Variants in NUDT10 observed in about 807,000 individuals in gnomAD.
NUDT10 encodes the protein diphosphoinositol polyphosphate phosphohydrolase 3-alpha.
A neutral mutation model predicts 10.5 loss-of-function variants in NUDT10; 2 were observed. The ratio of observed to expected loss-of-function variants is 0.19; its 90% CI spans 0.08 to 0.60. The LOEUF is 0.60. Ranked by LOEUF, NUDT10 falls within the 20% of genes least tolerant of loss-of-function variation. The pLI, the probability that NUDT10 is intolerant of heterozygous loss-of-function variation, is 0.89. For synonymous variants in NUDT10, 53 were observed against 71.8 expected (o/e 0.74, Z 1.32); for missense variants, 75 against 149.5 (o/e 0.50, Z 2.60).
In NUDT10 at chrX:51,332,839, GCCTCTCTCTCCCCGCC is replaced by G. The variant is rs1289317627; in HGVS notation, c.-120_-105del. ...TCGGGGGCAGACGGCAGACGGAGGCGCCTCTCTCTCCCCGCCCCTCTCCTCGGCCCTTTCTCTTCCC... is the reference window on the plus strand; with the variant it reads ...TCGGGGGCAGACGGCAGACGGAGGCGCCTCTCCTCGGCCCTTTCTCTTCCC... On this transcript the variant is annotated 5_prime_UTR_variant, in exon 1 of 2. Transcript: ENST00000356450. 6.9e-4 allele frequency: 691 copies of G among 999,958 alleles called. No homozygotes were observed. Among genetic ancestry groups the G allele is most frequent in the Admixed American group, 1.4e-3 (37 of 25,624 alleles). The allele number at this position is 999,958 out of a possible 1,213,427, so 82.4% of individuals were successfully genotyped here. A position where few individuals can be genotyped will look rare whatever the true frequency, so the allele number is the denominator to read the frequency against.
At chrX:51,336,068 A>G (rs1922830283) in intron 1 of NUDT10, among the ~76,000 whole-genome samples, 171 bp from the exon 2 acceptor site, 1 of 112,002 alleles carries the variant, frequency 8.9e-6, no homozygotes, top group African/African-American at 3.3e-5. Flanking sequence ...ACAATCTGTT[A>G]TTCCCTCAGG....
chrX:51,332,962 G>C lies in NUDT10; in HGVS notation c.-4G>C, dbSNP rs369515331. On this transcript the variant is annotated 5_prime_UTR_variant, in exon 1 of 2. Coordinates refer to ENST00000356450, the MANE Select transcript of NUDT10 (RefSeq NM_001304963.2). Reference sequence around the variant, plus strand: ...GCGAGAGGCGAGAGGAGGCTGCCTCGAGGATGAAGTGCAAACCCAACCAGA... The same window carrying C: ...GCGAGAGGCGAGAGGAGGCTGCCTCCAGGATGAAGTGCAAACCCAACCAGA... The C allele has an allele frequency of 2.3e-4, 279 of 1,208,808 alleles. No homozygotes were observed. The highest frequency in any genetic ancestry group is 2.7e-4 in the Non-Finnish European group (238 of 894,325).
At chrX:51,332,755 CT>C (rs1440506709), upstream of NUDT10, 1 of 529,589 alleles carries the variant, frequency 1.9e-6, no homozygotes, top group Non-Finnish European at 2.9e-6. Flanking sequence ...ACACGCCTCG[CT>C]TGCCCCCGCC....
rs782038232 is a variant in NUDT10 at position 51,336,263 on chromosome X, A to G, written c.*24A>G. The G allele has an allele frequency of 1.8e-6, 1 of 562,010 alleles. No homozygotes were observed. The highest frequency in any genetic ancestry group is 3.3e-6 in the Non-Finnish European group (1 of 305,749). The allele number at this position is 562,010 out of a possible 1,213,427, so 46.3% of individuals were successfully genotyped here. A position where few individuals can be genotyped will look rare whatever the true frequency, so the allele number is the denominator to read the frequency against. ...GGTGAATGGCATAGATGTTGTTCAGATTTACTTTGAAAGAATCAAGTATGT... is the reference window on the plus strand; with the variant it reads ...GGTGAATGGCATAGATGTTGTTCAGGTTTACTTTGAAAGAATCAAGTATGT... On this transcript the variant is annotated 3_prime_UTR_variant, in exon 2 of 2. Transcript: ENST00000356450.
At chrX:51,335,281 G>T (rs1264321803) in intron 1 of NUDT10, among the ~76,000 whole-genome samples, 2 of 92,100 alleles carry the variant, frequency 2.2e-5, no homozygotes, top group African/African-American at 8.6e-5. Flanking sequence ...TCGTGCCACT[G>T]CACTCCAGCC....
rs782341658 is a variant in NUDT10 at position 51,332,868 on chromosome X, C to T, written c.-98C>T. 3.3e-5 allele frequency: 36 copies of T among 1,105,118 alleles called. No individual in the cohort carries two copies. The highest frequency in any genetic ancestry group is 4.1e-5 in the Non-Finnish European group (34 of 835,847). The allele number at this position is 1,105,118 out of a possible 1,213,427, so 91.1% of individuals were successfully genotyped here. A position where few individuals can be genotyped will look rare whatever the true frequency, so the allele number is the denominator to read the frequency against. ...CTCTCTCCCCGCCCCTCTCCTCGGC[C>T]CTTTCTCTTCCCAGCACCTCGGCTG... On this transcript the variant is annotated 5_prime_UTR_variant, in exon 1 of 2. Transcript: ENST00000356450.
Position 51,332,840 on chromosome X carries a change from C to CCT in NUDT10, c.-118_-117dup. The CCT allele has an allele frequency of 9.9e-7, 1 of 1,008,566 alleles. No homozygotes were observed. Among genetic ancestry groups the CCT allele is most frequent in the Non-Finnish European group, 1.3e-6 (1 of 762,426 alleles). The allele number at this position is 1,008,566 out of a possible 1,213,427, so 83.1% of individuals were successfully genotyped here. On this transcript the variant is annotated 5_prime_UTR_variant, in exon 1 of 2. Transcript: ENST00000356450. ...CGGGGGCAGACGGCAGACGGAGGCG[C>CCT]CTCTCTCTCCCCGCCCCTCTCCTCG... is the stretch of plus-strand genomic sequence containing the variant.
rs140951696 is a variant in NUDT10, at chrX:51,336,039, G to A, written c.*-200G>A. ...CTACAAGTGTATTCCCGATTTCTGA[G>A]CTTCATAATGTACCTGGGACAATCT... is the stretch of plus-strand genomic sequence containing the variant. On this transcript the variant is annotated intron_variant, in intron 1 of 1. Transcript: ENST00000356450. Among the ~76,000 whole-genome samples the A allele has an allele frequency of 7.9e-3, 884 of 111,777 alleles. 14 individuals carry two copies. Among genetic ancestry groups the A allele is most frequent in the African/African-American group, 0.027 (841 of 30,694 alleles).
upstream of NUDT10, chrX:51,332,249 T>C (rs1922670827): frequency 8.9e-6 from 1 of 112,323 alleles, no homozygotes; most frequent in African/African-American, 3.2e-5. Flanking sequence ...CCAGAATGGT[T>C]GATAGTGGGG....
Position 51,336,257 on chromosome X carries a change from G to A in NUDT10, c.*18G>A. 1.8e-6 allele frequency: 1 copy of A among 562,531 alleles called. No homozygotes were observed. Among genetic ancestry groups the A allele is most frequent in the Non-Finnish European group, 3.3e-6 (1 of 305,975 alleles). The allele number at this position is 562,531 out of a possible 1,213,427, so 46.4% of individuals were successfully genotyped here. On this transcript the variant is annotated 3_prime_UTR_variant, in exon 2 of 2. Transcript: ENST00000356450. ...TTTTTAGGTGAATGGCATAGATGTT[G>A]TTCAGATTTACTTTGAAAGAATCAA... is the stretch of plus-strand genomic sequence containing the variant.
Position 51,332,923 on chromosome X carries a change from C to T in NUDT10, c.-43C>T, listed in dbSNP as rs782266527. ...CCGGCAGCGGCAGCAGCTGCGTCGG[C>T]GGCCCACACAGCAGCGAGAGGCGAG... On this transcript the variant is annotated 5_prime_UTR_variant, in exon 1 of 2. Transcript: ENST00000356450. The T allele has an allele frequency of 6.7e-6, 8 of 1,191,569 alleles. No individual in the cohort carries two copies. The highest frequency in any genetic ancestry group is 5.5e-5 in the South Asian group (3 of 54,332).
chrX:51,335,085 C>G (rs1412572779), intron 1 of NUDT10, among the ~76,000 whole-genome samples: 3 of 110,145 alleles, frequency 2.7e-5, no homozygotes, highest in African/African-American at 9.9e-5. Flanking sequence ...TTTGGAAGGC[C>G]GAGGCGGGCA....
rs1450773106 is a variant in NUDT10 at position 51,337,429 on chromosome X, T to C, written c.*1190T>C. On this transcript the variant is annotated 3_prime_UTR_variant, in exon 2 of 2. Transcript: ENST00000356450. ...GAAACGAAATTGGCCTTGATAATTGTTGAAGCTGGGTGATGGCTAAAATGA... is the reference window on the plus strand; with the variant it reads ...GAAACGAAATTGGCCTTGATAATTGCTGAAGCTGGGTGATGGCTAAAATGA... 8.9e-6 allele frequency: 1 copy of C among 112,190 alleles called. No homozygotes were observed. The highest frequency in any genetic ancestry group is 1.9e-5 in the Non-Finnish European group (1 of 53,300). The allele number at this position is 112,190 out of a possible 1,213,427, so 9.2% of individuals were successfully genotyped here.
rs782125262 is a variant in NUDT10, at chrX:51,336,248, A to G, written c.*9A>G. The G allele has an allele frequency of 1.8e-6, 1 of 563,900 alleles. No homozygotes were observed. The highest frequency in any genetic ancestry group is 2.3e-5 in the South Asian group (1 of 42,790). 46.5% of individuals were successfully genotyped at this position (563,900 alleles called of 1,213,427 possible). On this transcript the variant is annotated 3_prime_UTR_variant, in exon 2 of 2. Coordinates refer to ENST00000356450, the MANE Select transcript of NUDT10 (RefSeq NM_001304963.2). ...GAATTTTTCTTTTTAGGTGAATGGC[A>G]TAGATGTTGTTCAGATTTACTTTGA...
At chrX:51,332,813 C>T (rs1156472714), upstream of NUDT10, 13 of 908,021 alleles carry the variant, frequency 1.4e-5, no homozygotes, top group Non-Finnish European at 1.9e-5. Context: ...GCTCCCCGGG[C>T]TCGGGGGCAG....
At position 51,332,884 on chromosome X, in the gene NUDT10, A is replaced by G. The variant is rs1269047886; in HGVS notation, c.-82A>G. ...CTCCTCGGCCCTTTCTCTTCCCAGCACCTCGGCTGCTGCCCGGCAGCGGCA... is the reference window on the plus strand; with the variant it reads ...CTCCTCGGCCCTTTCTCTTCCCAGCGCCTCGGCTGCTGCCCGGCAGCGGCA... On this transcript the variant is annotated 5_prime_UTR_variant, in exon 1 of 2. Transcript: ENST00000356450. 1 of 1,144,415 alleles carries G rather than the reference A, an allele frequency of 8.7e-7. No homozygotes were observed. Among genetic ancestry groups the G allele is most frequent in the Non-Finnish European group, 1.2e-6 (1 of 859,892 alleles). 94.3% of individuals were successfully genotyped at this position (1,144,415 alleles called of 1,213,427 possible). A position where few individuals can be genotyped will look rare whatever the true frequency, so the allele number is the denominator to read the frequency against.
At position 51,333,232 on chromosome X, in the gene NUDT10, C is replaced by T. The variant is rs782077789; in HGVS notation, c.267C>T (p.Pro89=). ...GCGTCTTCGAACAGAACCAGGACCC[C>T]AAGCACAGAACGTACGTGTATGTAC... The part of the protein sequence containing the change: ...LLGVFEQNQD[P]KHRTYVYVLT... Residue 89 remains proline, a synonymous_variant, in exon 1 of 2, where the codon CCC becomes CCT. Coordinates refer to ENST00000356450, the MANE Select transcript of NUDT10 (RefSeq NM_001304963.2). 2 of 1,211,251 alleles carry T rather than the reference C, an allele frequency of 1.7e-6. No individual in the cohort carries two copies. The highest frequency in any genetic ancestry group is 2.2e-6 in the Non-Finnish European group (2 of 895,341).
At chrX:51,335,202 C>T (rs1228517681) in intron 1 of NUDT10, among the ~76,000 whole-genome samples, 2 of 107,424 alleles carry the variant, frequency 1.9e-5, no homozygotes, top group Non-Finnish European at 3.8e-5. Flanking sequence ...CCTGTAATCC[C>T]AGCTACTCGG....
intron 1 of NUDT10, 130 bp downstream of exon 1, chrX:51,333,589 C>T (rs1436165661): frequency 2.1e-6 from 2 of 944,640 alleles, no homozygotes; most frequent in Non-Finnish European, 2.9e-6. Context: ...CTTGGCAGAC[C>T]CTCTGAATCA....
Sources: gnomAD v4.1 joint callset for allele counts (sites outside exome capture counted in the v4.1 genomes callset) on GRCh38, gnomAD v4.1.1 for gene constraint, MANE v1.5 for transcripts, NCBI Gene and HGNC (gene_info 2026-07-23, HGNC 2026-07-21) for gene names.